SHANK1: variants seen among roughly 807,000 people sequenced by gnomAD.
SHANK1 encodes SH3 and multiple ankyrin repeat domains 1, also known as SH3 and multiple ankyrin repeat domains protein 1.
In SHANK1, 35 loss-of-function variants were observed where a neutral mutation model predicts 165.6. That is an observed-to-expected ratio of 0.21 (90% confidence interval 0.16 to 0.28). The LOEUF (loss-of-function observed/expected upper bound fraction) is 0.28. SHANK1 is among the 10% of genes least tolerant of loss of function. The pLI, the probability that SHANK1 is intolerant of heterozygous loss-of-function variation, is 1.00. For synonymous variants in SHANK1, 1,428 were observed against 1,384.8 expected, an observed-to-expected ratio of 1.03 and a Z score of -0.69; for missense variants, 2,681 against 3,036.4, an observed-to-expected ratio of 0.88 and a Z score of 2.75.
intron 21 of SHANK1, among the ~76,000 whole-genome samples, chr19:50,685,916 A>G (rs915303287): frequency 4.6e-5 from 7 of 152,170 alleles, no homozygotes; most frequent in Admixed American, 4.6e-4. Flanking sequence ...ATCTCCATCC[A>G]TGACATCATT....
intron 23 of SHANK1, 87 bp downstream of exon 23, chr19:50,666,105 C>T (rs1206977581): frequency 7.6e-7 from 1 of 1,322,232 alleles, no homozygotes; most frequent in Non-Finnish European, 1.0e-6. Flanking sequence ...GTTTCTGTTT[C>T]CTTTCTGCCA....
At position 50,687,642 on chromosome 19, in the gene SHANK1, G is replaced by A; in HGVS notation, c.2329C>T (p.Leu777=). ...CGCAGGGAGATGGTTGGGGGCGGCA[G>A]CCGCTTGGCCTGCTGGGGTGCTGAA... is the stretch of plus-strand genomic sequence containing the variant. ...HKKAPQQAKR[L]PPPTISLRSK... The change falls in exon 19 of 24, where the codon CTG becomes TTG. Residue 777 remains leucine, a synonymous_variant. Transcript: ENST00000293441. 2 of 1,511,282 alleles carry A rather than the reference G, an allele frequency of 1.3e-6. No individual in the cohort carries two copies. Among genetic ancestry groups the A allele is most frequent in the Non-Finnish European group, 1.8e-6 (2 of 1,130,294 alleles). The allele number at this position is 1,511,282 out of a possible 1,614,324, so 93.6% of individuals were successfully genotyped here.
chr19:50,686,660 C>A lies in SHANK1; in HGVS notation c.2458+84G>T. The A allele has an allele frequency of 1.5e-6, 2 of 1,307,638 alleles. No homozygotes were observed. The highest frequency in any genetic ancestry group is 1.1e-6 in the Non-Finnish European group (1 of 921,052). The allele number at this position is 1,307,638 out of a possible 1,614,324, so 81.0% of individuals were successfully genotyped here. On this transcript the variant is annotated intron_variant, in intron 20 of 23. Coordinates refer to ENST00000293441, the MANE Select transcript of SHANK1 (RefSeq NM_016148.5). This position sits in a 1 kb window ranked among gnomAD's most constrained non-coding sequence, Gnocchi z 5.7. ...TCTGGGGCAGGAAGGTGAGGGGCGC[C>A]GTGGGGTTCATGGTGGGACAGGGAT...
chr19:50,707,075 A>G (rs2088948478), intron 8 of SHANK1, among the ~76,000 whole-genome samples: 1 of 152,112 alleles, frequency 6.6e-6, no homozygotes, highest in Non-Finnish European at 1.5e-5. Context: ...ACCGTGCTCA[A>G]CCCTTTGCTT....
chr19:50,693,472 C>T (rs1328974563), intron 15 of SHANK1, among the ~76,000 whole-genome samples: 6 of 151,892 alleles, frequency 4.0e-5, no homozygotes, highest in African/African-American at 1.5e-4. Context: ...TGCTTTTCCC[C>T]AGGCCATCCC....
rs768896742 is a variant in SHANK1, at chr19:50,695,086, C to CCCG, written c.1964+2007_1964+2009dup. ...GGCCCGGGTCCCGGTGCCGGCCGCC[C>CCCG]CCGCCGCCGCCGCCGCCGCCGCGTC... On this transcript the variant is annotated intron_variant, in intron 15 of 23. Coordinates refer to ENST00000293441, the MANE Select transcript of SHANK1 (RefSeq NM_016148.5). 8.8e-3 allele frequency among the ~76,000 whole-genome samples: 1,287 copies of CCCG among 145,902 alleles called. 9 individuals carry two copies. Among genetic ancestry groups the CCCG allele is most frequent in the Middle Eastern group, 0.018 (5 of 284 alleles).
chr19:50,688,178 T>C lies in SHANK1; in HGVS notation c.2173-120A>G. On this transcript the variant is annotated intron_variant, in intron 17 of 23. Transcript: ENST00000293441. The surrounding 1 kb of genome is among the most constrained non-coding windows in gnomAD (Gnocchi z 6.7). ...CTGTCCATGGCCCTCTGGGCTATGT[T>C]CCTCTCCCTCCGACCCTTCATACCA... is the stretch of plus-strand genomic sequence containing the variant. 2 of 1,226,292 alleles carry C rather than the reference T, an allele frequency of 1.6e-6. No homozygotes were observed. The highest frequency in any genetic ancestry group is 2.3e-6 in the Non-Finnish European group (2 of 866,432). The allele number at this position is 1,226,292 out of a possible 1,614,324, so 76.0% of individuals were successfully genotyped here.
chr19:50,700,064 G>A (rs1986866039), intron 12 of SHANK1, among the ~76,000 whole-genome samples: 1 of 111,026 alleles, frequency 9.0e-6, no homozygotes. Flanking sequence ...GGGTTGGAAG[G>A]CTCAGGGCAT....
Position 50,659,503 on chromosome 19 carries a change from G to A in SHANK1, c.*2462C>T, listed in dbSNP as rs1345107821. ...ACCTGGGCACCGGGGCTTTCAGCGC[G>A]TGCCGAGCCCTGTCTCAGCGAGAAT... On this transcript the variant is annotated 3_prime_UTR_variant, in exon 24 of 24. Transcript: ENST00000293441. 6.6e-6 allele frequency among the ~76,000 whole-genome samples: 1 copy of A among 151,786 alleles called. No individual in the cohort carries two copies. The highest frequency in any genetic ancestry group is 1.5e-5 in the Non-Finnish European group (1 of 67,920).
chr19:50,711,897 C>T, intron 7 of SHANK1, 50 bp downstream of exon 7: 1 of 1,605,136 alleles, frequency 6.2e-7, no homozygotes, highest in Non-Finnish European at 8.5e-7. Context: ...TTGGATGCCT[C>T]AGGGACTGGG....
intron 15 of SHANK1, among the ~76,000 whole-genome samples, chr19:50,692,103 T>C (rs2123144126): frequency 6.6e-6 from 1 of 152,054 alleles, no homozygotes; most frequent in South Asian, 2.1e-4. Context: ...GTAACTGCAG[T>C]GGTAATACCC....
intron 15 of SHANK1, among the ~76,000 whole-genome samples, chr19:50,692,448 A>G (rs962429599): frequency 4.7e-5 from 6 of 127,726 alleles, no homozygotes; most frequent in Admixed American, 1.5e-4. Context: ...CAAGATTTGA[A>G]TTCACCAGAT....
At chr19:50,687,101 G>A in intron 19 of SHANK1, 1 of 1,258,810 alleles carries the variant, frequency 7.9e-7, no homozygotes, top group South Asian at 1.9e-5. Flanking sequence ...AAGGTGAGGG[G>A]CCCCCTGTCT....
In SHANK1 at chr19:50,711,551, G is replaced by A. The variant is rs190082769; in HGVS notation, c.961-64C>T. 8.4e-6 allele frequency: 10 copies of A among 1,191,858 alleles called. No individual in the cohort carries two copies. In the Admixed American group the frequency reaches 1.8e-4, roughly 21 times the overall value. The allele number at this position is 1,191,858 out of a possible 1,614,324, so 73.8% of individuals were successfully genotyped here. On this transcript the variant is annotated intron_variant, in intron 7 of 23. Transcript: ENST00000293441. ...AGGCTGTTCTCCCTCTGGGCCAAGA[G>A]TCTGTCTATGACCTGTGCACTGGCC...
chr19:50,672,243 AGT>A, intron 21 of SHANK1, 129 bp from the exon 22 acceptor site: 1 of 765,054 alleles, frequency 1.3e-6, no homozygotes, highest in African/African-American at 1.7e-5. Context: ...AAGGGAGAGC[AGT>A]GTGAAGACGG....
Position 50,668,183 on chromosome 19 carries a change from G to T in SHANK1, c.3777C>A (p.Ser1259=). The T allele has an allele frequency of 6.7e-7, 1 of 1,491,306 alleles. No individual in the cohort carries two copies. Among genetic ancestry groups the T allele is most frequent in the Non-Finnish European group, 8.8e-7 (1 of 1,131,880 alleles). 92.4% of individuals were successfully genotyped at this position (1,491,306 alleles called of 1,614,324 possible). The stretch of plus-strand genomic sequence containing the variant: ...CGCCGTCCTCGTCCCCCGCGTCGGT[G>T]GACAGGAACAGCGTGGAGCGCCGGC... ...EARRRSTLFL[S]TDAGDEDGGD... is the part of the protein sequence containing the mutation. Residue 1259 remains serine (S), a synonymous_variant, in exon 23 of 24, where the codon TCC becomes TCA. Transcript: ENST00000293441.
chr19:50,702,924 G>A lies in SHANK1; in HGVS notation c.1554-264C>T, dbSNP rs190989161. ...CGCGCACCGCCTGATTCAGCTTCCT[G>A]AGGCTGAGCTGGGACTGTGTCATCC... On this transcript the variant is annotated intron_variant, in intron 11 of 23. Coordinates refer to ENST00000293441, the MANE Select transcript of SHANK1 (RefSeq NM_016148.5). The surrounding 1 kb of genome is among the most constrained non-coding windows in gnomAD (Gnocchi z 5.3). Among the ~76,000 whole-genome samples the A allele has an allele frequency of 6.6e-6, 1 of 152,162 alleles. No individual in the cohort carries two copies. The highest frequency in any genetic ancestry group is 6.5e-5 in the Admixed American group (1 of 15,290).
chr19:50,714,463 G>A (rs1354489590), intron 4 of SHANK1, among the ~76,000 whole-genome samples, 173 bp from the exon 5 acceptor site: 2 of 152,060 alleles, frequency 1.3e-5, no homozygotes, highest in East Asian at 3.8e-4. Context: ...AGGCCGAGGC[G>A]GGAGGATCAC....
chr19:50,702,616 C>A lies in SHANK1; in HGVS notation c.1598G>T (p.Gly533Val), dbSNP rs1055212835. The change falls in exon 12 of 24, where the codon GGC becomes GTC. Residue 533 changes from glycine to valine, a missense_variant. Physicochemically the swap from Gly to Val is moderately radical, Grantham distance 109. Coordinates refer to ENST00000293441, the MANE Select transcript of SHANK1 (RefSeq NM_016148.5). The surrounding 1 kb of genome is among the most constrained non-coding windows in gnomAD (Gnocchi z 5.3). The part of the protein sequence containing the change: ...PREGPAGGTG[G>V]SGGPGGSLGS... Reference sequence around the variant, plus strand: ...CAGGGAGCCCCCGGGGCCCCCTGAGCCCCCCGTGCCCCCGGCTGGCCCTTC... The same window carrying A: ...CAGGGAGCCCCCGGGGCCCCCTGAGACCCCCGTGCCCCCGGCTGGCCCTTC... 2 of 1,586,372 alleles carry A rather than the reference C, an allele frequency of 1.3e-6. No individual in the cohort carries two copies. The highest frequency in any genetic ancestry group is 1.1e-5 in the South Asian group (1 of 88,394).
Sources: allele counts gnomAD v4.1 joint callset (sites outside exome capture counted in the v4.1 genomes callset), GRCh38; gene constraint gnomAD v4.1.1; non-coding constraint Gnocchi (gnomAD v3.1); transcripts MANE v1.5; gene names NCBI Gene and HGNC (gene_info 2026-07-23, HGNC 2026-07-21).